The following ANK2 variants were observed in gnomAD, a reference collection of about 807,000 sequenced individuals.
ANK2 encodes ankyrin 2.
A neutral mutation model predicts 360.5 loss-of-function variants in ANK2; 83 were observed. That is an observed-to-expected ratio of 0.23 (90% CI 0.19 to 0.28). The LOEUF (loss-of-function observed/expected upper bound fraction) is 0.28, where lower values mean the gene tolerates loss of function less well. Among genes scored for constraint, ANK2 ranks in the 10% least tolerant of loss-of-function variants. The pLI, the probability that ANK2 is intolerant of heterozygous loss-of-function variation, is 1.00. For synonymous variants in ANK2, 1,740 were observed against 1,759.5 expected (o/e 0.99, Z 0.28); for missense variants, 4,201 against 4,795.7 (o/e 0.88, Z 3.66).
chr4:112,709,589 A>G, the ANK2 span, among the ~76,000 whole-genome samples: 1 of 152,166 alleles, frequency 6.6e-6, no homozygotes, highest in Admixed American at 6.5e-5. Context: ...CCTCTACTAA[A>G]AATACAAAAA....
intron 2 of ANK2, among the ~76,000 whole-genome samples, chr4:112,958,755 T>C (rs530898096): frequency 6.6e-5 from 10 of 152,364 alleles, no homozygotes; most frequent in Admixed American, 2.6e-4. Flanking sequence ...TATTAAGATA[T>C]GGACCAAATG....
At chr4:113,080,118 C>T (rs1580991238) in intron 1 of ANK2, among the ~76,000 whole-genome samples, 1 of 152,160 alleles carries the variant, frequency 6.6e-6, no homozygotes, top group Admixed American at 6.5e-5. Flanking sequence ...GGGCTAGTCT[C>T]GAATTCCTGA....
intron 2 of ANK2, among the ~76,000 whole-genome samples, chr4:113,018,816 G>T (rs539807239): frequency 2.1e-4 from 32 of 152,264 alleles, no homozygotes; most frequent in African/African-American, 7.5e-4. Context: ...TTGAGATACG[G>T]ATAAACAGAC....
rs2153574124 is a variant in ANK2 at position 113,242,218 on chromosome 4, C to T, written c.891+9C>T. 6.2e-7 allele frequency: 1 copy of T among 1,607,736 alleles called. No homozygotes were observed. Among genetic ancestry groups the T allele is most frequent in the South Asian group, 1.1e-5 (1 of 90,916 alleles). The stretch of plus-strand genomic sequence containing the variant: ...TCGATGCCAAAACTAGGGTGAGTGT[C>T]TCTGTTCTTTCAATTTTCTACCATT... On this transcript the variant is annotated intron_variant, in intron 9 of 45. Transcript: ENST00000357077.
intron 3 of ANK2, 133 bp downstream of exon 3, chr4:113,196,599 C>A: frequency 1.2e-6 from 1 of 829,262 alleles, no homozygotes. Context: ...ACAATCACGG[C>A]TCACCGAAAC....
chr4:113,067,228 A>G (rs1409759447), intron 1 of ANK2, among the ~76,000 whole-genome samples: 7 of 152,134 alleles, frequency 4.6e-5, no homozygotes, highest in African/African-American at 1.2e-4. Context: ...GAGACATGAT[A>G]TGGAAATGAA....
At chr4:113,305,837 A>C (rs2153805955) in intron 23 of ANK2, among the ~76,000 whole-genome samples, 1 of 152,306 alleles carries the variant, frequency 6.6e-6, no homozygotes, top group Admixed American at 6.5e-5. Flanking sequence ...ATTGACACCC[A>C]AAAAGAGTAT....
At chr4:112,753,970 T>G in the ANK2 span, among the ~76,000 whole-genome samples, 7 of 151,562 alleles carry the variant, frequency 4.6e-5, no homozygotes, top group African/African-American at 1.7e-4. Context: ...TGGTGGCACA[T>G]GCCTGTAATC....
chr4:113,318,884 A>G (rs1054221075), intron 26 of ANK2, among the ~76,000 whole-genome samples: 3 of 152,180 alleles, frequency 2.0e-5, no homozygotes, highest in African/African-American at 7.2e-5. Context: ...CTTGCTACCT[A>G]ACTGGAATAT....
chr4:113,292,932 G>A (rs990582413), intron 21 of ANK2: 1 of 352,984 alleles, frequency 2.8e-6, no homozygotes, highest in Non-Finnish European at 5.5e-6. Context: ...AACGAACTGG[G>A]ATCCCGAGTG....
intron 29 of ANK2, among the ~76,000 whole-genome samples, chr4:113,334,161 T>C (rs1249721038): frequency 6.6e-6 from 1 of 152,212 alleles, no homozygotes; most frequent in Non-Finnish European, 1.5e-5. Flanking sequence ...TGACCATCGC[T>C]TCTTTACCAT....
At chr4:112,793,344 T>C in the ANK2 span, among the ~76,000 whole-genome samples, 3 of 152,220 alleles carry the variant, frequency 2.0e-5, no homozygotes, top group African/African-American at 7.2e-5. Context: ...CTTTAAGAAA[T>C]TAAGGTTTTA....
chr4:113,350,271 AGTTT>A, intron 37 of ANK2, 22 bp downstream of exon 37: 1 of 1,595,786 alleles, frequency 6.3e-7, no homozygotes. Flanking sequence ...AAGAAAATTG[AGTTT>A]GTTTGAAAGC....
At chr4:113,376,532 C>A (rs1346860707) in intron 45 of ANK2, among the ~76,000 whole-genome samples, 1 of 152,150 alleles carries the variant, frequency 6.6e-6, no homozygotes, top group African/African-American at 2.4e-5. Flanking sequence ...AAACACTGTA[C>A]ACTTAGGCTA....
intron 1 of ANK2, among the ~76,000 whole-genome samples, chr4:112,898,249 A>G (rs1337022591): frequency 6.6e-6 from 1 of 152,184 alleles, no homozygotes; most frequent in Non-Finnish European, 1.5e-5. Flanking sequence ...TCCATAGTTT[A>G]TTGAGATTTT....
chr4:113,196,568 C>A, intron 3 of ANK2, 102 bp downstream of exon 3: 2 of 1,079,714 alleles, frequency 1.9e-6, no homozygotes, highest in South Asian at 1.4e-5. Flanking sequence ...CTTTCTGTTG[C>A]CCAGGAAGTA....
At chr4:113,348,938 T>C (rs552184498) in intron 36 of ANK2, among the ~76,000 whole-genome samples, 2 of 152,250 alleles carry the variant, frequency 1.3e-5, no homozygotes, top group Admixed American at 1.3e-4. Flanking sequence ...ACCAAAGAGT[T>C]TGATAAACAC....
chr4:112,793,157 G>A, the ANK2 span, among the ~76,000 whole-genome samples: 1 of 152,070 alleles, frequency 6.6e-6, no homozygotes, highest in South Asian at 2.1e-4. Flanking sequence ...ATCTTGTGAT[G>A]CCGTTTGTTA....
At chr4:112,761,288 T>C in the ANK2 span, among the ~76,000 whole-genome samples, 4 of 152,146 alleles carry the variant, frequency 2.6e-5, no homozygotes, top group Admixed American at 2.6e-4. Flanking sequence ...CTTTCTATGG[T>C]GTCTTAAACA....
Sources: allele counts gnomAD v4.1 joint callset (sites outside exome capture counted in the v4.1 genomes callset), GRCh38; gene constraint gnomAD v4.1.1; transcripts MANE v1.5; gene names NCBI Gene and HGNC (gene_info 2026-07-23, HGNC 2026-07-21).